SPICE1: variants seen among roughly 807,000 people sequenced by gnomAD.
SPICE1 encodes spindle and centriole associated protein 1, also known as spindle and centriole-associated protein 1.
A neutral mutation model predicts 102.7 loss-of-function variants in SPICE1; 75 were observed. That is an observed-to-expected ratio of 0.73 (90% CI 0.61 to 0.88). The LOEUF (loss-of-function observed/expected upper bound fraction) is 0.88. Among genes scored for constraint, SPICE1 ranks in the 40% least tolerant of loss-of-function variants. The pLI, the probability that SPICE1 is intolerant of heterozygous loss-of-function variation, is 0.00. For synonymous variants in SPICE1, 308 were observed against 350.3 expected (o/e 0.88, Z 1.35); for missense variants, 979 against 1,020.1 (o/e 0.96, Z 0.55).
chr3:113,502,963 A>C (rs1035968520), intron 3 of SPICE1, among the ~76,000 whole-genome samples: 3 of 152,222 alleles, frequency 2.0e-5, no homozygotes, highest in African/African-American at 7.2e-5. Context: ...CTATAAACCC[A>C]ACATATTTAA....
chr3:113,447,951 C>T, intron 16 of SPICE1, 87 bp downstream of exon 16: 1 of 1,243,252 alleles, frequency 8.0e-7, no homozygotes, highest in African/African-American at 1.5e-5. Context: ...AGATACTGTA[C>T]ACTTCCTTTT....
rs1260675523 is a variant in SPICE1, at chr3:113,442,731, A to AT, written c.*2575dup. The AT allele has an allele frequency of 6.6e-6, 1 of 152,218 alleles. No homozygotes were observed. Among genetic ancestry groups the AT allele is most frequent in the East Asian group, 1.9e-4 (1 of 5,202 alleles). The allele number at this position is 152,218 out of a possible 1,614,324, so 9.4% of individuals were successfully genotyped here. On this transcript the variant is annotated 3_prime_UTR_variant, in exon 18 of 18. Transcript: ENST00000295872. ...GGCAAGAAAAAATTGCTATAATACA[A>AT]TTTGTGTTTATTAGTTTCCACAATG...
At chr3:113,497,805 C>G (rs778756031) in intron 4 of SPICE1, among the ~76,000 whole-genome samples, 1 of 146,708 alleles carries the variant, frequency 6.8e-6, no homozygotes, top group Non-Finnish European at 1.5e-5. Flanking sequence ...CGGATTCAAG[C>G]GATTCTCCTG....
chr3:113,455,608 G>A (rs1935763189), intron 13 of SPICE1, among the ~76,000 whole-genome samples: 1 of 152,176 alleles, frequency 6.6e-6, no homozygotes, highest in African/African-American at 2.4e-5. Context: ...AGAACTGAAT[G>A]CTGATGAAGG....
intron 7 of SPICE1, among the ~76,000 whole-genome samples, chr3:113,488,166 A>G (rs1936687031): frequency 6.6e-6 from 1 of 152,232 alleles, no homozygotes. Context: ...TAATAGTGTT[A>G]AATCAATGTA....
In SPICE1 at chr3:113,487,302, A is replaced by T. The variant is rs150426114; in HGVS notation, c.611+1643T>A. Among the ~76,000 whole-genome samples the T allele has an allele frequency of 2.0e-5, 3 of 152,280 alleles. No individual in the cohort carries two copies. In the East Asian group the frequency reaches 5.8e-4, roughly 29 times the overall value. On this transcript the variant is annotated intron_variant, in intron 7 of 17. Transcript: ENST00000295872. ...AGAAGAGTGATACAAATGTGGAATA[A>T]GAAGACCAAGATAAAACCAATAGTG...
chr3:113,514,900 C>A lies in SPICE1; in HGVS notation c.-4G>T. 1.7e-6 allele frequency: 2 copies of A among 1,183,450 alleles called. No homozygotes were observed. The highest frequency in any genetic ancestry group is 2.1e-6 in the Non-Finnish European group (2 of 935,932). The allele number at this position is 1,183,450 out of a possible 1,614,324, so 73.3% of individuals were successfully genotyped here. ...AGACACGCACCCTGACACGTACTTG[C>A]ACTCTCAAAACACAGAGCCGCGGCT... On this transcript the variant is annotated 5_prime_UTR_variant, in exon 1 of 18. Transcript: ENST00000295872.
In SPICE1 at chr3:113,461,267, T is replaced by G. The variant is rs117282777; in HGVS notation, c.1288-503A>C. On this transcript the variant is annotated intron_variant, in intron 11 of 17. Coordinates refer to ENST00000295872, the MANE Select transcript of SPICE1 (RefSeq NM_144718.4). Reference sequence around the variant, plus strand: ...TTTTTACATACGTGCATGAGAGAGATAACACTATATTTTATATATGTATAT... The same window carrying G: ...TTTTTACATACGTGCATGAGAGAGAGAACACTATATTTTATATATGTATAT... 1.3e-3 allele frequency among the ~76,000 whole-genome samples: 198 copies of G among 151,940 alleles called. 3 individuals carry two copies. In the East Asian group the frequency reaches 0.037, roughly 28 times the overall value.
At chr3:113,478,986 T>C (rs1936426307) in intron 7 of SPICE1, among the ~76,000 whole-genome samples, 1 of 152,138 alleles carries the variant, frequency 6.6e-6, no homozygotes, top group South Asian at 2.1e-4. Flanking sequence ...TAAAAAATTA[T>C]TATTATACTT....
At chr3:113,454,991 T>C (rs1407284224) in intron 13 of SPICE1, among the ~76,000 whole-genome samples, 1 of 149,518 alleles carries the variant, frequency 6.7e-6, no homozygotes, top group Non-Finnish European at 1.5e-5. Context: ...ACCCTTGTTA[T>C]TGATCCTTGT....
intron 7 of SPICE1, among the ~76,000 whole-genome samples, chr3:113,481,378 C>T (rs987452220): frequency 2.0e-5 from 3 of 151,406 alleles, no homozygotes; most frequent in Admixed American, 6.6e-5. Flanking sequence ...TGTTAAGACG[C>T]TGTTGAAAAA....
Position 113,493,187 on chromosome 3 carries a change from T to C in SPICE1, c.492+19A>G. 1 of 1,528,840 alleles carries C rather than the reference T, an allele frequency of 6.5e-7. No homozygotes were observed. The highest frequency in any genetic ancestry group is 1.4e-5 in the African/African-American group (1 of 71,802). The allele number at this position is 1,528,840 out of a possible 1,614,324, so 94.7% of individuals were successfully genotyped here. A position where few individuals can be genotyped will look rare whatever the true frequency, so the allele number is the denominator to read the frequency against. ...TTCCTTTCAGCATGAGTGTTATAGC[T>C]GTGAGTGGAACACATTACCTGAGGT... is the stretch of plus-strand genomic sequence containing the variant. On this transcript the variant is annotated intron_variant, in intron 6 of 17. Transcript: ENST00000295872.
rs951286324 is a variant in SPICE1, at chr3:113,464,778, A to T, written c.1287+875T>A. Reference sequence around the variant, plus strand: ...ACATATAAGTATAAAACAATTTGATAAATGCAATAATACCAATATCCAGAC... The same window carrying T: ...ACATATAAGTATAAAACAATTTGATTAATGCAATAATACCAATATCCAGAC... On this transcript the variant is annotated intron_variant, in intron 11 of 17. Transcript: ENST00000295872. 3.3e-5 allele frequency among the ~76,000 whole-genome samples: 5 copies of T among 152,218 alleles called. No individual in the cohort carries two copies. In the East Asian group the frequency reaches 9.6e-4, roughly 29 times the overall value.
intron 7 of SPICE1, among the ~76,000 whole-genome samples, chr3:113,481,966 C>G (rs553832062): frequency 6.6e-6 from 1 of 152,250 alleles, no homozygotes; most frequent in African/African-American, 2.4e-5. Flanking sequence ...ATTTCTAGTT[C>G]TAGATCCTTG....
At chr3:113,473,796 T>C (rs1576632585) in intron 7 of SPICE1, among the ~76,000 whole-genome samples, 1 of 151,436 alleles carries the variant, frequency 6.6e-6, no homozygotes, top group Admixed American at 6.6e-5. Context: ...GCACTAAACA[T>C]GGAAAGGAAC....
At chr3:113,461,864 TATACCACCAG>T (rs1935941332) in intron 11 of SPICE1, among the ~76,000 whole-genome samples, 1 of 152,174 alleles carries the variant, frequency 6.6e-6, no homozygotes, top group Admixed American at 6.5e-5. Context: ...TAAACATTTT[TATACCACCAG>T]CCCAAATTTT....
Position 113,499,593 on chromosome 3 carries a change from G to C in SPICE1, c.148-11C>G. On this transcript the variant is annotated splice_polypyrimidine_tract_variant and intron_variant, in intron 3 of 17. Coordinates refer to ENST00000295872, the MANE Select transcript of SPICE1 (RefSeq NM_144718.4). ...TTCATGACGGCGTACCTATACAGAA[G>C]AGAAAAGTACATAAAGGAATGTTTC... The C allele has an allele frequency of 7.6e-6, 12 of 1,585,214 alleles. No individual in the cohort carries two copies. Among genetic ancestry groups the C allele is most frequent in the Non-Finnish European group, 1.0e-5 (12 of 1,167,424 alleles).
rs1013837536 is a variant in SPICE1 at position 113,493,627 on chromosome 3, A to T, written c.386-315T>A. The stretch of plus-strand genomic sequence containing the variant: ...AATTCAAACCTTACATGAAAAACTA[A>T]TGATGTTTCTAGAAGATTAAGATAA... On this transcript the variant is annotated intron_variant, in intron 5 of 17. Coordinates refer to ENST00000295872, the MANE Select transcript of SPICE1 (RefSeq NM_144718.4). 4.6e-5 allele frequency among the ~76,000 whole-genome samples: 7 copies of T among 152,354 alleles called. No individual in the cohort carries two copies. In the East Asian group the frequency reaches 1.2e-3, roughly 25 times the overall value.
At chr3:113,453,318 C>G (rs1935700367) in intron 14 of SPICE1, 148 bp downstream of exon 14, 2 of 815,108 alleles carry the variant, frequency 2.5e-6, no homozygotes, top group Non-Finnish European at 3.8e-6. Context: ...TAACTTGGAC[C>G]TATTGTATTG....
Sources: allele counts gnomAD v4.1 joint callset (sites outside exome capture counted in the v4.1 genomes callset), GRCh38; gene constraint gnomAD v4.1.1; transcripts MANE v1.5; gene names NCBI Gene and HGNC (gene_info 2026-07-23, HGNC 2026-07-21).